The following PRR3 variants were observed in gnomAD, a reference collection of about 807,000 sequenced individuals.
The protein encoded by PRR3 is proline-rich protein 3.
In PRR3, 16 loss-of-function variants were observed where a neutral mutation model predicts 22.4. The observed-to-expected ratio is 0.71, with a 90% CI of 0.48 to 1.09. The LOEUF (loss-of-function observed/expected upper bound fraction) is 1.09. Among genes scored for constraint, PRR3 ranks in the 50% least tolerant of loss-of-function variants. PRR3 has a pLI of 0.00. For missense variants in PRR3, 224 were observed against 243.4 expected (o/e 0.92, Z 0.53); for synonymous variants, 87 against 88.6 (o/e 0.98, Z 0.10).
rs1451436458 is a variant in PRR3 at position 30,558,070 on chromosome 6, A to C, written c.107-80A>C. On this transcript the variant is annotated intron_variant, in intron 1 of 3. Coordinates refer to ENST00000376560, the MANE Select transcript of PRR3 (RefSeq NM_025263.4). ...TTACTGGTTGAATTAAGAAATAAGT[A>C]ATACAAGAAAAACACCTAAGAACAG... 2.8e-5 allele frequency: 34 copies of C among 1,198,188 alleles called. 1 individual carries two copies. The South Asian group carries it at 4.1e-4, about 14-fold the overall frequency. 74.2% of individuals were successfully genotyped at this position (1,198,188 alleles called of 1,614,324 possible).
In PRR3 at chr6:30,557,398, C is replaced by T. The variant is rs189969647; in HGVS notation, c.54C>T (p.Pro18=). 5.0e-6 allele frequency: 8 copies of T among 1,612,756 alleles called. No homozygotes were observed. In the Admixed American group the frequency reaches 5.0e-5, roughly 10 times the overall value. ...NHHQPPTQQQ[P]PLPEREETGD... ...ACCAGCCACCGACACAGCAGCAGCC[C>T]CCGCTGCCCGAGCGGGAAGAGACTG... The change falls in exon 1 of 4, where the codon CCC becomes CCT. Residue 18 remains proline, a synonymous_variant. Transcript: ENST00000376560.
At chr6:30,558,111 A>C (rs1582529751) in intron 1 of PRR3, 39 bp from the exon 2 acceptor site, 1 of 1,509,312 alleles carries the variant, frequency 6.6e-7, no homozygotes, top group East Asian at 2.3e-5. Context: ...TCAGTCCTTT[A>C]ATCCATTCTG....
intron 2 of PRR3, chr6:30,560,440 AG>A (rs1329227466): frequency 6.6e-6 from 1 of 152,154 alleles, no homozygotes; most frequent in African/African-American, 2.4e-5. Context: ...AGGAAGCTGG[AG>A]GAAGGGGAGT....
Position 30,562,738 on chromosome 6 carries a change from C to G in PRR3, c.*243C>G, listed in dbSNP as rs1335618767. Reference sequence around the variant, plus strand: ...CGCCTTTGGGACCCATCTTTGCTTCCTTTCAGTTGCCTCCTGGATCTTCTT... The same window carrying G: ...CGCCTTTGGGACCCATCTTTGCTTCGTTTCAGTTGCCTCCTGGATCTTCTT... On this transcript the variant is annotated 3_prime_UTR_variant, in exon 4 of 4. Transcript: ENST00000376560. 5.0e-6 allele frequency: 2 copies of G among 401,612 alleles called. No homozygotes were observed. Among genetic ancestry groups the G allele is most frequent in the Non-Finnish European group, 8.9e-6 (2 of 224,410 alleles). 24.9% of individuals were successfully genotyped at this position (401,612 alleles called of 1,614,324 possible). A position where few individuals can be genotyped will look rare whatever the true frequency, so the allele number is the denominator to read the frequency against.
At chr6:30,557,084 G>C (rs929126709), upstream of PRR3, 4 of 702,424 alleles carry the variant, frequency 5.7e-6, no homozygotes, top group Admixed American at 2.0e-5. Flanking sequence ...AGCGAGGGAA[G>C]AAAAGAGTAA....
At position 30,562,596 on chromosome 6, in the gene PRR3, CCCTCAGT is replaced by C. The variant is rs1800716296; in HGVS notation, c.*103_*109del. 1.3e-6 allele frequency: 1 copy of C among 762,720 alleles called. No homozygotes were observed. The highest frequency in any genetic ancestry group is 2.5e-5 in the East Asian group (1 of 40,518). 47.2% of individuals were successfully genotyped at this position (762,720 alleles called of 1,614,324 possible). ...TGGCTACTGTGAGGCTCTTCTAACA[CCCTCAGT>C]CAGTGACACACCCATCCCATCCACC... On this transcript the variant is annotated 3_prime_UTR_variant, in exon 4 of 4. Coordinates refer to ENST00000376560, the MANE Select transcript of PRR3 (RefSeq NM_025263.4).
chr6:30,561,756 A>T lies in PRR3; in HGVS notation c.170-78A>T, dbSNP rs201734067. The T allele has an allele frequency of 7.2e-5, 100 of 1,379,952 alleles. No homozygotes were observed. Among genetic ancestry groups the T allele is most frequent in the South Asian group, 3.0e-4 (20 of 65,690 alleles). 85.5% of individuals were successfully genotyped at this position (1,379,952 alleles called of 1,614,324 possible). A position where few individuals can be genotyped will look rare whatever the true frequency, so the allele number is the denominator to read the frequency against. On this transcript the variant is annotated intron_variant, in intron 2 of 3. Transcript: ENST00000376560. This position sits in a 1 kb window ranked among gnomAD's most constrained non-coding sequence, Gnocchi z 4.0. ...TGTATGCTGTTCTTCAATAAAAAAA[A>T]TTTTTTTAATCACGGTTTATCAGGA...
intron 1 of PRR3, among the ~76,000 whole-genome samples, chr6:30,557,906 A>G (rs1800366206): frequency 6.6e-6 from 1 of 152,232 alleles, no homozygotes; most frequent in African/African-American, 2.4e-5. Flanking sequence ...CGGTGAAGAA[A>G]AAAAGTTGTC....
chr6:30,562,710 A>C lies in PRR3; in HGVS notation c.*215A>C. ...CTTTCTTCTGATCCAGCCTGTAGAG[A>C]CTCGCCTTTGGGACCCATCTTTGCT... is the stretch of plus-strand genomic sequence containing the variant. On this transcript the variant is annotated 3_prime_UTR_variant, in exon 4 of 4. Coordinates refer to ENST00000376560, the MANE Select transcript of PRR3 (RefSeq NM_025263.4). 2.3e-6 allele frequency: 1 copy of C among 439,286 alleles called. No homozygotes were observed. The highest frequency in any genetic ancestry group is 4.0e-6 in the Non-Finnish European group (1 of 248,022). 27.2% of individuals were successfully genotyped at this position (439,286 alleles called of 1,614,324 possible).
chr6:30,562,291 G>T (rs894578279), intron 3 of PRR3, 98 bp from the exon 4 acceptor site: 8 of 1,167,870 alleles, frequency 6.9e-6, no homozygotes, highest in Non-Finnish European at 1.0e-5. Flanking sequence ...GAAATGGTAG[G>T]GGGTAGAAAA....
At position 30,562,806 on chromosome 6, in the gene PRR3, C is replaced by G. The variant is rs1312163272; in HGVS notation, c.*311C>G. On this transcript the variant is annotated 3_prime_UTR_variant, in exon 4 of 4. Coordinates refer to ENST00000376560, the MANE Select transcript of PRR3 (RefSeq NM_025263.4). Reference sequence around the variant, plus strand: ...TGCTGAACAGGAAACCTCTTTGGTGCTGTTTCTTGTGCATCTGTCCACCTG... The same window carrying G: ...TGCTGAACAGGAAACCTCTTTGGTGGTGTTTCTTGTGCATCTGTCCACCTG... The G allele has an allele frequency of 3.7e-6, 1 of 267,904 alleles. No homozygotes were observed. Among genetic ancestry groups the G allele is most frequent in the Non-Finnish European group, 7.0e-6 (1 of 142,434 alleles). The allele number at this position is 267,904 out of a possible 1,614,324, so 16.6% of individuals were successfully genotyped here. A position where few individuals can be genotyped will look rare whatever the true frequency, so the allele number is the denominator to read the frequency against.
intron 2 of PRR3, among the ~76,000 whole-genome samples, chr6:30,559,682 TTA>T (rs1315303705): frequency 6.6e-6 from 1 of 152,090 alleles, no homozygotes; most frequent in African/African-American, 2.4e-5. Context: ...GCTGCTGGGA[TTA>T]TAAAATGGTG....
chr6:30,562,021 C>G lies in PRR3; in HGVS notation c.357C>G (p.Thr119=), dbSNP rs934575571. 3.1e-6 allele frequency: 5 copies of G among 1,612,852 alleles called. No homozygotes were observed. In the African/African-American group the frequency reaches 6.7e-5, roughly 22 times the overall value. The change falls in exon 3 of 4, where the codon ACC becomes ACG. Residue 119 remains threonine, a synonymous_variant. Coordinates refer to ENST00000376560, the MANE Select transcript of PRR3 (RefSeq NM_025263.4). The stretch of plus-strand genomic sequence containing the variant: ...CGGGGCCAGGCCATGGGGGTCCCAC[C>G]AGGGGAAGCTTTCACAAGGAACAGA... The part of the protein sequence containing the change: ...PFPGPGHGGP[T]RGSFHKEQRN...
In PRR3 at chr6:30,558,254, G is replaced by A. The variant is rs367990018; in HGVS notation, c.169+42G>A. 2.0e-4 allele frequency: 317 copies of A among 1,551,210 alleles called. 2 individuals are homozygous for A. The African/African-American group carries it at 3.6e-3, about 17-fold the overall frequency. On this transcript the variant is annotated intron_variant, in intron 2 of 3. Transcript: ENST00000376560. ...CCTGATCCTTGTATTAGGTCGTAGAGAAGACAGCAAGGGAGGGGATAAAAC... is the reference window on the plus strand; with the variant it reads ...CCTGATCCTTGTATTAGGTCGTAGAAAAGACAGCAAGGGAGGGGATAAAAC...
At chr6:30,558,126 C>G (rs780800060) in intron 1 of PRR3, 24 bp from the exon 2 acceptor site, 57 of 1,594,694 alleles carry the variant, frequency 3.6e-5, no homozygotes, top group Non-Finnish European at 4.6e-5. Flanking sequence ...ATTCTGATGA[C>G]CATATTTTCA....
intron 3 of PRR3, 88 bp downstream of exon 3, chr6:30,562,212 G>A: frequency 7.0e-7 from 1 of 1,422,852 alleles, no homozygotes; most frequent in Non-Finnish European, 9.5e-7. Context: ...TTTCCTTTTT[G>A]CTTTTGAAGC....
chr6:30,558,304 A>T (rs1268631904), intron 2 of PRR3, 92 bp downstream of exon 2: 1 of 1,033,642 alleles, frequency 9.7e-7, no homozygotes, highest in Non-Finnish European at 1.5e-6. Flanking sequence ...AAAATAAAAG[A>T]TCAGGGATTC....
Position 30,557,383 on chromosome 6 carries a change from G to C in PRR3, c.39G>C (p.Pro13=). 1 of 1,612,774 alleles carries C rather than the reference G, an allele frequency of 6.2e-7. No homozygotes were observed. Among genetic ancestry groups the C allele is most frequent in the African/African-American group, 1.3e-5 (1 of 75,066 alleles). Residue 13 remains proline (P), a synonymous_variant, in exon 1 of 4, where the codon CCG becomes CCC. Coordinates refer to ENST00000376560, the MANE Select transcript of PRR3 (RefSeq NM_025263.4). ...KRKKQNHHQP[P]TQQQPPLPER... is the part of the protein sequence containing the mutation. Reference sequence around the variant, plus strand: ...AGAAGCAGAATCATCACCAGCCACCGACACAGCAGCAGCCCCCGCTGCCCG... The same window carrying C: ...AGAAGCAGAATCATCACCAGCCACCCACACAGCAGCAGCCCCCGCTGCCCG...
At position 30,562,444 on chromosome 6, in the gene PRR3, T is replaced by C. The variant is rs1800703872; in HGVS notation, c.516T>C (p.Tyr172=). Residue 172 remains tyrosine (Y), a synonymous_variant, in exon 4 of 4, where the codon TAT becomes TAC. Coordinates refer to ENST00000376560, the MANE Select transcript of PRR3 (RefSeq NM_025263.4). The part of the protein sequence containing the change: ...RHFAKKGHCR[Y]EDLCAFYHPG... ...TTGCCAAAAAGGGCCACTGTCGATA[T>C]GAGGACCTCTGTGCCTTCTACCATC... The C allele has an allele frequency of 2.5e-6, 4 of 1,614,080 alleles. No individual in the cohort carries two copies. Among genetic ancestry groups the C allele is most frequent in the African/African-American group, 1.3e-5 (1 of 74,948 alleles).
Sources: gnomAD v4.1 joint callset for allele counts (sites outside exome capture counted in the v4.1 genomes callset) on GRCh38, gnomAD v4.1.1 for gene constraint, Gnocchi (gnomAD v3.1) non-coding constraint, MANE v1.5 for transcripts, NCBI Gene and HGNC (gene_info 2026-07-23, HGNC 2026-07-21) for gene names.